RNF123: variants seen among roughly 807,000 people sequenced by gnomAD.
The protein encoded by RNF123 is E3 ubiquitin-protein ligase RNF123.
Under a neutral mutation model 168.5 loss-of-function variants are expected in RNF123, and 86 were observed. The observed-to-expected ratio is 0.51, with a 90% confidence interval of 0.43 to 0.61. The LOEUF (loss-of-function observed/expected upper bound fraction) is 0.61. RNF123 is among the 20% of genes least tolerant of loss of function. RNF123 has a pLI of 0.00. For missense variants in RNF123, 1,419 were observed against 1,729.7 expected, an observed-to-expected ratio of 0.82 and a Z score of 3.19; for synonymous variants, 666 against 689.1, an observed-to-expected ratio of 0.97 and a Z score of 0.52.
Position 49,700,620 on chromosome 3 carries a change from C to T in RNF123, c.1204-16C>T, listed in dbSNP as rs201209187. On this transcript the variant is annotated splice_polypyrimidine_tract_variant and intron_variant, in intron 14 of 38. Coordinates refer to ENST00000327697, the MANE Select transcript of RNF123 (RefSeq NM_022064.5). ...CTGGGACTCGCCTGTCCACTCTGAA[C>T]GCCCCCTCTCCACAGATCCATTACC... 261 of 1,614,196 alleles carry T rather than the reference C, an allele frequency of 1.6e-4. 7 individuals are homozygous for T. The South Asian group carries it at 2.3e-3, about 14-fold the overall frequency.
chr3:49,697,819 C>G (rs905620308), intron 5 of RNF123, 66 bp from the exon 6 acceptor site: 53 of 1,599,170 alleles, frequency 3.3e-5, no homozygotes, highest in Middle Eastern at 3.8e-4. Context: ...GGGATGGGGT[C>G]TTTTTCCCTT....
intron 26 of RNF123, among the ~76,000 whole-genome samples, chr3:49,711,434 C>A (rs1031962639): frequency 1.2e-4 from 19 of 152,178 alleles, no homozygotes; most frequent in Admixed American, 1.2e-3. Context: ...TCAATCCGGC[C>A]GGCACATTTC....
Position 49,712,616 on chromosome 3 carries a change from G to T in RNF123, c.2634G>T (p.Lys878Asn). The change falls in exon 27 of 39, where the codon AAG (lysine) becomes AAT (asparagine). Residue 878 changes from lysine (K) to asparagine (N), a missense_variant. This residue lies in a region of RNF123 where 538 missense variants were observed against 708.8 expected (regional missense o/e 0.76). Transcript: ENST00000327697. Reference protein sequence around the residue: ...SVAINSYSALKNYFGPVHSME... With the variant: ...SVAINSYSALNNYFGPVHSME... ...CCATCAACAGCTACAGTGCTCTCAA[G>T]AATTACTTTGGTCCCGTGCACAGCA... 2.5e-6 allele frequency: 4 copies of T among 1,614,180 alleles called. No individual in the cohort carries two copies. The highest frequency in any genetic ancestry group is 3.4e-6 in the Non-Finnish European group (4 of 1,180,020).
Position 49,704,842 on chromosome 3 carries a change from G to A in RNF123, c.1959+86G>A, listed in dbSNP as rs999161183. The A allele has an allele frequency of 2.9e-5, 41 of 1,404,660 alleles. No individual in the cohort carries two copies. In the South Asian group the frequency reaches 3.9e-4, roughly 13 times the overall value. The allele number at this position is 1,404,660 out of a possible 1,614,324, so 87.0% of individuals were successfully genotyped here. On this transcript the variant is annotated intron_variant, in intron 22 of 38. Coordinates refer to ENST00000327697, the MANE Select transcript of RNF123 (RefSeq NM_022064.5). ...GGGGTCTCATCCAGGGCCACTTCCC[G>A]CTCCATGCAGGCAAAGGGTTTCTCA... is the stretch of plus-strand genomic sequence containing the variant.
chr3:49,717,631 A>G, intron 35 of RNF123: 1 of 448,554 alleles, frequency 2.2e-6, no homozygotes, highest in African/African-American at 2.0e-5. Context: ...TGCTGTGTTG[A>G]AAGCCACAGG....
At position 49,713,551 on chromosome 3, in the gene RNF123, G is replaced by T. The variant is rs201060216; in HGVS notation, c.2713G>T (p.Ala905Ser). ...ETLTRLAAILAKHFADARIVG... is the reference protein window; with the variant it reads ...ETLTRLAAILSKHFADARIVG... ...CCTGACCCGCCTGGCTGCCATTCTC[G>T]CCAAACACTTTGCCGACGCACGCAT... The change falls in exon 28 of 39, where the codon GCC becomes TCC. Residue 905 changes from alanine (A) to serine (S), a missense_variant. By Grantham distance (99) the Ala-to-Ser change is moderately conservative. Coordinates refer to ENST00000327697, the MANE Select transcript of RNF123 (RefSeq NM_022064.5). 1 of 1,612,566 alleles carries T rather than the reference G, an allele frequency of 6.2e-7. No individual in the cohort carries two copies.
intron 35 of RNF123, chr3:49,719,802 T>C (rs1017068398): frequency 3.7e-6 from 1 of 267,154 alleles, no homozygotes; most frequent in African/African-American, 2.2e-5. Context: ...TGGCCCCGCA[T>C]GACCGCCAGA....
intron 13 of RNF123, 53 bp downstream of exon 13, chr3:49,700,405 C>T (rs779010541): frequency 5.9e-5 from 95 of 1,612,110 alleles, no homozygotes; most frequent in East Asian, 3.1e-4. Context: ...TCACTGGGGT[C>T]GGGAAGATAC....
intron 25 of RNF123, among the ~76,000 whole-genome samples, chr3:49,706,472 C>T (rs769018413): frequency 6.6e-6 from 1 of 152,210 alleles, no homozygotes; most frequent in African/African-American, 2.4e-5. Context: ...CCACCCACCC[C>T]GACCTGTCAG....
chr3:49,702,821 T>TAGTGCAG, intron 20 of RNF123, 68 bp downstream of exon 20: 1 of 1,604,902 alleles, frequency 6.2e-7, no homozygotes, highest in South Asian at 1.1e-5. Flanking sequence ...CCCCTAATGT[T>TAGTGCAG]AGTGCAGAGT....
chr3:49,695,215 A>T (rs1198185733), intron 3 of RNF123, among the ~76,000 whole-genome samples: 1 of 151,636 alleles, frequency 6.6e-6, no homozygotes, highest in Non-Finnish European at 1.5e-5. Flanking sequence ...GAATCCTCCC[A>T]CCTCAGCCTC....
rs1227572201 is a variant in RNF123, at chr3:49,700,654, A to G, written c.1222A>G (p.Thr408Ala). Residue 408 changes from threonine to alanine, a missense_variant, in exon 15 of 39, where the codon ACT (threonine) becomes GCT (alanine). Thr to Ala is a moderately conservative substitution (Grantham distance 58, BLOSUM62 0). This residue lies in a region of RNF123 where 349 missense variants were observed against 344.9 expected (regional missense o/e 1.01). Transcript: ENST00000327697. ...TCCACAGATCCATTACCTGCGGCTC[A>G]CTATCGCCATCCTGAGGCATGAGAA... ...LGLQIHYLRL[T>A]IAILRHEKSR... 2 of 1,614,186 alleles carry G rather than the reference A, an allele frequency of 1.2e-6. No individual in the cohort carries two copies. The highest frequency in any genetic ancestry group is 1.7e-6 in the Non-Finnish European group (2 of 1,180,034).
At chr3:49,707,386 G>C (rs1017498390) in intron 26 of RNF123, among the ~76,000 whole-genome samples, 1 of 152,056 alleles carries the variant, frequency 6.6e-6, no homozygotes, top group Non-Finnish European at 1.5e-5. Flanking sequence ...CTGGAACTAG[G>C]GACACACACA....
At position 49,699,940 on chromosome 3, in the gene RNF123, A is replaced by G; in HGVS notation, c.984+168A>G. ...AGACCTCAGTCAGTCCCCTAGGGAA[A>G]CAGGGACATTGCCAACCAAGGGCAT... On this transcript the variant is annotated intron_variant, in intron 12 of 38. Coordinates refer to ENST00000327697, the MANE Select transcript of RNF123 (RefSeq NM_022064.5). The surrounding 1 kb of genome is among the most constrained non-coding windows in gnomAD (Gnocchi z 4.8). 2.8e-6 allele frequency: 2 copies of G among 721,454 alleles called. No homozygotes were observed. The highest frequency in any genetic ancestry group is 5.4e-5 in the East Asian group (2 of 36,896). 44.7% of individuals were successfully genotyped at this position (721,454 alleles called of 1,614,324 possible).
In RNF123 at chr3:49,702,649, GC is replaced by G. The variant is rs747041125; in HGVS notation, c.1652del (p.Pro551LeufsTer11). The G allele has an allele frequency of 1.2e-6, 2 of 1,614,224 alleles. No homozygotes were observed. Among genetic ancestry groups the G allele is most frequent in the Admixed American group, 3.3e-5 (2 of 60,026 alleles). ...ASGRGNMPMLCPPEYMVCFLH... is the reference protein window; with the variant it reads ...ASGRGNMPMLXPPEYMVCFLH... ...TGTCCACAGAACATGCCCATGCTCTGCCCCCCTGAGTACATGGTCTGCTTCT... is the reference window on the plus strand; with the variant it reads ...TGTCCACAGAACATGCCCATGCTCTGCCCCCTGAGTACATGGTCTGCTTCT... On this transcript the variant is annotated frameshift_variant, in exon 20 of 39. Coordinates refer to ENST00000327697, the MANE Select transcript of RNF123 (RefSeq NM_022064.5). LOFTEE classifies it high-confidence loss of function.
chr3:49,703,200 C>T (rs947829271), intron 20 of RNF123, among the ~76,000 whole-genome samples: 78 of 152,306 alleles, frequency 5.1e-4, no homozygotes, highest in South Asian at 1.2e-3. Flanking sequence ...ACCCCCATCA[C>T]CCCAAGTTAT....
In RNF123 at chr3:49,720,860, C is replaced by A. The variant is rs769176209; in HGVS notation, c.3704C>A (p.Thr1235Asn). The change falls in exon 37 of 39, where the codon ACC becomes AAC. Residue 1235 changes from threonine (T) to asparagine (N), a missense_variant. By Grantham distance (65) the Thr-to-Asn change is moderately conservative. Around this residue, in one of 5 missense-constraint regions of RNF123, gnomAD observed 164 missense variants for 152.3 expected, o/e 1.08. Transcript: ENST00000327697. ...GTGGAACAGATGCTGGCGCACCTGA[C>A]CTCTGCATCTGCCCAGGCAGCAGCT... ...AQVEQMLAHL[T>N]SASAQAAAAS... 1 of 1,614,164 alleles carries A rather than the reference C, an allele frequency of 6.2e-7. No individual in the cohort carries two copies. Among genetic ancestry groups the A allele is most frequent in the East Asian group, 2.2e-5 (1 of 44,888 alleles).
At chr3:49,719,770 G>A (rs2080352260) in intron 35 of RNF123, 1 of 337,660 alleles carries the variant, frequency 3.0e-6, no homozygotes, top group African/African-American at 2.2e-5. Flanking sequence ...GAGGCGGGGC[G>A]GCTACATCCC....
chr3:49,715,972 C>A lies in RNF123; in HGVS notation c.3301C>A (p.Arg1101=), dbSNP rs145802061. ...LVPEIFLDWT[R]PTSEMLLRRL... ...GCCTGAGATATTCCTTGACTGGACCCGGCCTACCTCTGAGATGCTGCTGCG... is the reference window on the plus strand; with the variant it reads ...GCCTGAGATATTCCTTGACTGGACCAGGCCTACCTCTGAGATGCTGCTGCG... Residue 1101 remains arginine (R), a synonymous_variant, in exon 33 of 39, where the codon CGG becomes AGG. Coordinates refer to ENST00000327697, the MANE Select transcript of RNF123 (RefSeq NM_022064.5). The A allele has an allele frequency of 1.2e-6, 2 of 1,613,852 alleles. No individual in the cohort carries two copies. Among genetic ancestry groups the A allele is most frequent in the African/African-American group, 2.7e-5 (2 of 74,940 alleles).
Sources: allele counts gnomAD v4.1 joint callset (sites outside exome capture counted in the v4.1 genomes callset), GRCh38; gene constraint gnomAD v4.1.1; regional missense constraint gnomAD v4.1.1; non-coding constraint Gnocchi (gnomAD v3.1); transcripts MANE v1.5; gene names NCBI Gene and HGNC (gene_info 2026-07-23, HGNC 2026-07-21).